The following ASXL3 variants were observed in gnomAD, a reference collection of about 807,000 sequenced individuals.
The protein encoded by ASXL3 is ASXL transcriptional regulator 3, also known as putative Polycomb group protein ASXL3.
Under a neutral mutation model 170.6 loss-of-function variants are expected in ASXL3, and 34 were observed. The observed-to-expected ratio is 0.20, with a 90% CI of 0.15 to 0.27. The LOEUF (loss-of-function observed/expected upper bound fraction) is 0.27. Among genes scored for constraint, ASXL3 ranks in the 10% least tolerant of loss-of-function variants. ASXL3 has a pLI of 1.00. For missense variants in ASXL3, 2,592 were observed against 2,695.3 expected (o/e 0.96, Z 0.85); for synonymous variants, 1,002 against 989.1 (o/e 1.01, Z -0.24).
chr18:33,713,763 A>T (rs2067120476), intron 8 of ASXL3, among the ~76,000 whole-genome samples: 1 of 152,186 alleles, frequency 6.6e-6, no homozygotes, highest in African/African-American at 2.4e-5. Flanking sequence ...TGATACACAT[A>T]TGGTAGAATA....
In ASXL3 at chr18:33,578,682, C is replaced by T; in HGVS notation, c.51C>T (p.Arg17=). 7.5e-7 allele frequency: 1 copy of T among 1,331,760 alleles called. No individual in the cohort carries two copies. The highest frequency in any genetic ancestry group is 9.8e-7 in the Non-Finnish European group (1 of 1,016,436). 82.5% of individuals were successfully genotyped at this position (1,331,760 alleles called of 1,614,324 possible). The part of the protein sequence containing the change: ...KKDRTWAEAA[R]LALEKHPNSP... ...ACCGCACCTGGGCCGAGGCTGCCCG[C>T]CTGGTACGTACCGCCCCCCACACGC... Residue 17 remains arginine (R), a synonymous_variant, in exon 1 of 12, where the codon CGC becomes CGT. Transcript: ENST00000269197.
intron 2 of ASXL3, among the ~76,000 whole-genome samples, chr18:33,633,082 G>A (rs1195913936): frequency 6.6e-6 from 1 of 152,036 alleles, no homozygotes; most frequent in Non-Finnish European, 1.5e-5. Flanking sequence ...CCTCCCACGT[G>A]GTATGGCCTT....
Position 33,634,715 on chromosome 18 carries a change from A to G in ASXL3, c.138-10179A>G, listed in dbSNP as rs538385536. ...AGTATTTAATATTTCCCATTTCTGG[A>G]TGTCCTCAGCCAACACATGGAATTG... On this transcript the variant is annotated intron_variant, in intron 2 of 11. Transcript: ENST00000269197. Among the ~76,000 whole-genome samples, 8 of 152,168 alleles carry G rather than the reference A, an allele frequency of 5.3e-5. No homozygotes were observed. In the East Asian group the frequency reaches 9.7e-4, roughly 18 times the overall value.
Position 33,732,035 on chromosome 18 carries a change from C to T in ASXL3, c.947C>T (p.Ala316Val). 1 of 1,613,032 alleles carries T rather than the reference C, an allele frequency of 6.2e-7. No individual in the cohort carries two copies. ...AATAATGAATTCTTTGCATATGCAG[C>T]ACAAGGGTGGAAACAGCGACTGGCA... is the stretch of plus-strand genomic sequence containing the variant. ...ALNNEFFAYA[A>V]QGWKQRLAEG... Residue 316 changes from alanine to valine, a missense_variant, in exon 9 of 12, where the codon GCA becomes GTA. Coordinates refer to ENST00000269197, the MANE Select transcript of ASXL3 (RefSeq NM_030632.3).
In ASXL3 at chr18:33,740,090, G is replaced by A. The variant is rs1408440482; in HGVS notation, c.2686G>A (p.Glu896Lys). 6.2e-7 allele frequency: 1 copy of A among 1,613,946 alleles called. No homozygotes were observed. The highest frequency in any genetic ancestry group is 8.5e-7 in the Non-Finnish European group (1 of 1,179,882). The change falls in exon 11 of 12, where the codon GAG becomes AAG. Residue 896 changes from glutamate (E) to lysine (K), a missense_variant. Physicochemically the swap from Glu to Lys is moderately conservative, Grantham distance 56. This residue lies in a region of ASXL3 where 2,246 missense variants were observed against 2,219.6 expected (regional missense o/e 1.01). Transcript: ENST00000269197. Reference sequence around the variant, plus strand: ...TGAAGGGACAGATAATAAGGGAAATGAGCTTCCATCTGCTAAATTACAGGA... The same window carrying A: ...TGAAGGGACAGATAATAAGGGAAATAAGCTTCCATCTGCTAAATTACAGGA... ...FSEGTDNKGNELPSAKLQDKQ... is the reference protein window; with the variant it reads ...FSEGTDNKGNKLPSAKLQDKQ...
intron 1 of ASXL3, among the ~76,000 whole-genome samples, chr18:33,585,065 A>G (rs576489738): frequency 5.3e-5 from 8 of 152,142 alleles, no homozygotes; most frequent in Admixed American, 2.0e-4. Context: ...TGGATTGCCT[A>G]CATATGTATT....
chr18:33,610,085 T>C (rs1401863330), intron 2 of ASXL3, among the ~76,000 whole-genome samples: 3 of 152,044 alleles, frequency 2.0e-5, no homozygotes, highest in Non-Finnish European at 4.4e-5. Flanking sequence ...TGTATGTTGT[T>C]TCAAGGAGCA....
rs201578514 is a variant in ASXL3, at chr18:33,746,487, C to T, written c.6639C>T (p.Cys2213=). The T allele has an allele frequency of 1.9e-6, 3 of 1,614,030 alleles. No homozygotes were observed. Among genetic ancestry groups the T allele is most frequent in the African/African-American group, 2.7e-5 (2 of 75,068 alleles). Residue 2213 remains cysteine, a synonymous_variant, in exon 12 of 12, where the codon TGC becomes TGT. Coordinates refer to ENST00000269197, the MANE Select transcript of ASXL3 (RefSeq NM_030632.3). ...ATGCAGATGAATTGGAACTGAAATG[C>T]TCTTGCCGGCTGAAAGCCATGATTG... is the stretch of plus-strand genomic sequence containing the variant. ...SSNADELELK[C]SCRLKAMIVC... is the part of the protein sequence containing the mutation.
chr18:33,731,982 A>G lies in ASXL3; in HGVS notation c.894A>G (p.Gly298=), dbSNP rs775451402. The G allele has an allele frequency of 6.8e-6, 11 of 1,611,904 alleles. No homozygotes were observed. The Admixed American group carries it at 8.4e-5, about 12-fold the overall frequency. The change falls in exon 9 of 12, where the codon GGA becomes GGG. Residue 298 remains glycine, a synonymous_variant. Transcript: ENST00000269197. ...TATTTTCCTAGATGGGAAGTGATGG[A>G]ATTTTACGCCTCAGTACTTCAGCTC... ...PEVDRQMGSD[G]ILRLSTSALN... is the part of the protein sequence containing the mutation.
intron 2 of ASXL3, among the ~76,000 whole-genome samples, chr18:33,608,677 C>T (rs1361694593): frequency 6.6e-6 from 1 of 152,008 alleles, no homozygotes; most frequent in Non-Finnish European, 1.5e-5. Context: ...AATTGTCCAT[C>T]TGTAAGCCAT....
intron 8 of ASXL3, among the ~76,000 whole-genome samples, chr18:33,710,057 AC>A (rs2145346056): frequency 6.6e-6 from 1 of 152,220 alleles, no homozygotes; most frequent in East Asian, 1.9e-4. Flanking sequence ...GGAGTTTGAG[AC>A]CAGCCTGACC....
At chr18:33,676,654 T>C (rs2066435149) in intron 7 of ASXL3, among the ~76,000 whole-genome samples, 1 of 152,216 alleles carries the variant, frequency 6.6e-6, no homozygotes, top group Non-Finnish European at 1.5e-5. Flanking sequence ...ACAGTAAATG[T>C]TAGACTACCA....
chr18:33,592,513 C>T (rs922385088), intron 1 of ASXL3, among the ~76,000 whole-genome samples: 1 of 152,012 alleles, frequency 6.6e-6, no homozygotes, highest in Non-Finnish European at 1.5e-5. Flanking sequence ...CACTTTATTT[C>T]TTTTCTGGTT....
intron 5 of ASXL3, among the ~76,000 whole-genome samples, chr18:33,668,462 T>A (rs537742027): frequency 6.6e-6 from 1 of 151,986 alleles, no homozygotes; most frequent in East Asian, 1.9e-4. Flanking sequence ...AAAATCTTTT[T>A]ATATAGTAGG....
In ASXL3 at chr18:33,743,117, C is replaced by T. The variant is rs766845591; in HGVS notation, c.3269C>T (p.Pro1090Leu). 1.7e-5 allele frequency: 27 copies of T among 1,613,568 alleles called. No individual in the cohort carries two copies. Among genetic ancestry groups the T allele is most frequent in the Non-Finnish European group, 2.1e-5 (25 of 1,179,804 alleles). ...ATTGTCTCTGGAGCCATGGGAAGTC[C>T]AGGAGAGGGTGGAAAGACGAGAACT... ...ASIVSGAMGS[P>L]GEGGKTRTLA... is the part of the protein sequence containing the mutation. The change falls in exon 12 of 12, where the codon CCA (proline) becomes CTA (leucine). Residue 1090 changes from proline (P) to leucine (L), a missense_variant. Coordinates refer to ENST00000269197, the MANE Select transcript of ASXL3 (RefSeq NM_030632.3).
intron 2 of ASXL3, among the ~76,000 whole-genome samples, chr18:33,635,517 C>A (rs2065750866): frequency 6.6e-6 from 1 of 152,174 alleles, no homozygotes; most frequent in African/African-American, 2.4e-5. Flanking sequence ...AATGTTATTA[C>A]TGGAAGATAA....
At chr18:33,632,510 A>T (rs1405474651) in intron 2 of ASXL3, among the ~76,000 whole-genome samples, 1 of 152,154 alleles carries the variant, frequency 6.6e-6, no homozygotes, top group Non-Finnish European at 1.5e-5. Flanking sequence ...AATTCATCAT[A>T]TTGTCAAACT....
At chr18:33,674,654 G>C (rs931941323) in intron 7 of ASXL3, among the ~76,000 whole-genome samples, 1 of 149,178 alleles carries the variant, frequency 6.7e-6, no homozygotes, top group African/African-American at 2.5e-5. Flanking sequence ...GTCTCGCTCT[G>C]TCGCTCCAGA....
rs944082355 is a variant in ASXL3 at position 33,749,774 on chromosome 18, A to G, written c.*3179A>G. 5.3e-5 allele frequency: 8 copies of G among 152,172 alleles called. No homozygotes were observed. Among genetic ancestry groups the G allele is most frequent in the African/African-American group, 1.9e-4 (8 of 41,446 alleles). The allele number at this position is 152,172 out of a possible 1,614,324, so 9.4% of individuals were successfully genotyped here. ...ACCTATGAGGTTGAGCCTGGTTGCT[A>G]TAAAGACTTTGGGATGGTATGTGTT... On this transcript the variant is annotated 3_prime_UTR_variant, in exon 12 of 12. Coordinates refer to ENST00000269197, the MANE Select transcript of ASXL3 (RefSeq NM_030632.3).
Sources: allele counts gnomAD v4.1 joint callset (sites outside exome capture counted in the v4.1 genomes callset), GRCh38; gene constraint gnomAD v4.1.1; regional missense constraint gnomAD v4.1.1; transcripts MANE v1.5; gene names NCBI Gene and HGNC (gene_info 2026-07-23, HGNC 2026-07-21).